BICDL1: variants seen among roughly 807,000 people sequenced by gnomAD.
BICDL1 encodes the protein BICD family like cargo adaptor 1, also known as BICD family-like cargo adapter 1.
In BICDL1, 20 loss-of-function variants were observed where a neutral mutation model predicts 76.8. The observed-to-expected ratio is 0.26, with a 90% CI of 0.18 to 0.38. The LOEUF (loss-of-function observed/expected upper bound fraction) is 0.38. Among genes scored for constraint, BICDL1 ranks in the 10% least tolerant of loss-of-function variants. The pLI is 1.00. For synonymous variants in BICDL1, 383 were observed against 337.1 expected (o/e 1.14, Z -1.49); for missense variants, 700 against 798.6 (o/e 0.88, Z 1.49).
At chr12:120,032,462 A>G (rs1167529131) in intron 2 of BICDL1, among the ~76,000 whole-genome samples, 5 of 152,248 alleles carry the variant, frequency 3.3e-5, no homozygotes, top group Admixed American at 6.5e-5. Flanking sequence ...CAGATGATAA[A>G]TTAATTCCAT....
intron 9 of BICDL1, chr12:120,091,609 A>G: frequency 1.0e-6 from 1 of 984,656 alleles, no homozygotes; most frequent in Non-Finnish European, 1.2e-6. Flanking sequence ...GACAAGGGCA[A>G]GGAGAAGACC....
At chr12:120,018,489 A>G (rs961103817) in intron 2 of BICDL1, among the ~76,000 whole-genome samples, 2 of 152,174 alleles carry the variant, frequency 1.3e-5, no homozygotes, top group Non-Finnish European at 2.9e-5. Context: ...GTGTGGAATG[A>G]AAGCAAAACC....
chr12:119,994,690 A>G (rs889273585), intron 1 of BICDL1, among the ~76,000 whole-genome samples: 2 of 152,146 alleles, frequency 1.3e-5, no homozygotes. Flanking sequence ...GGGTTTCACC[A>G]TCTTGGTCAG....
chr12:120,031,104 A>C (rs1952413485), intron 2 of BICDL1, among the ~76,000 whole-genome samples: 1 of 152,186 alleles, frequency 6.6e-6, no homozygotes, highest in Non-Finnish European at 1.5e-5. Flanking sequence ...TTATTAAAAA[A>C]TCTTTCAAGC....
intron 2 of BICDL1, among the ~76,000 whole-genome samples, chr12:120,025,078 GTCTT>G (rs976026555): frequency 1.8e-4 from 26 of 143,576 alleles, no homozygotes; most frequent in African/African-American, 6.8e-4. Context: ...AGACGGAGGA[GTCTT>G]TCTGTCACCC....
At chr12:120,044,628 T>A (rs544035227) in intron 2 of BICDL1, among the ~76,000 whole-genome samples, 2 of 152,378 alleles carry the variant, frequency 1.3e-5, no homozygotes, top group Non-Finnish European at 2.9e-5. Flanking sequence ...TACATATGGC[T>A]AGCCAGTTTT....
intron 1 of BICDL1, among the ~76,000 whole-genome samples, chr12:119,994,894 TAA>T (rs1566200019): frequency 1.1e-3 from 170 of 152,340 alleles, no homozygotes; most frequent in African/African-American, 3.7e-3. Context: ...TAACATCTTA[TAA>T]TAGTATGGTA....
chr12:120,045,230 C>T (rs1457225848), intron 2 of BICDL1, among the ~76,000 whole-genome samples: 2 of 152,182 alleles, frequency 1.3e-5, no homozygotes, highest in East Asian at 1.9e-4. Flanking sequence ...TACCATCTCA[C>T]ACCAGTTAGA....
In BICDL1 at chr12:120,094,255, A is replaced by C. The variant is rs1016070484; in HGVS notation, c.*1094A>C. ...GCCAGCCCTCAGCTGCTCACAACCG[A>C]TTCAGTCTCCCTCCCTCCCTCACGT... is the stretch of plus-strand genomic sequence containing the variant. On this transcript the variant is annotated 3_prime_UTR_variant, in exon 10 of 10. Transcript: ENST00000548673. The C allele has an allele frequency of 2.2e-6, 1 of 456,706 alleles. No homozygotes were observed. The highest frequency in any genetic ancestry group is 4.4e-6 in the Non-Finnish European group (1 of 226,968). The allele number at this position is 456,706 out of a possible 1,614,324, so 28.3% of individuals were successfully genotyped here. A position where few individuals can be genotyped will look rare whatever the true frequency, so the allele number is the denominator to read the frequency against.
intron 2 of BICDL1, among the ~76,000 whole-genome samples, chr12:120,023,499 C>G (rs575934718): frequency 6.6e-6 from 1 of 152,172 alleles, no homozygotes; most frequent in Admixed American, 6.5e-5. Flanking sequence ...CAAAGATTCT[C>G]AAGTATGGGC....
intron 2 of BICDL1, among the ~76,000 whole-genome samples, chr12:120,020,525 CT>C (rs1370412822): frequency 4.0e-5 from 6 of 151,028 alleles, no homozygotes; most frequent in Non-Finnish European, 7.4e-5. Flanking sequence ...CAGGAGCAAC[CT>C]TTTTTTTTAA....
intron 2 of BICDL1, among the ~76,000 whole-genome samples, chr12:119,999,354 C>T (rs1288689733): frequency 6.6e-6 from 1 of 152,074 alleles, no homozygotes; most frequent in East Asian, 1.9e-4. Flanking sequence ...TCTGTGATTA[C>T]TTTACCTATG....
chr12:120,061,927 A>T, intron 3 of BICDL1, 101 bp downstream of exon 3: 1 of 743,484 alleles, frequency 1.3e-6, no homozygotes, highest in South Asian at 1.6e-5. Flanking sequence ...CTACAGAAAG[A>T]CATTTCTGTG....
chr12:120,019,455 A>G (rs1206366027), intron 2 of BICDL1, among the ~76,000 whole-genome samples: 1 of 152,230 alleles, frequency 6.6e-6, no homozygotes. Flanking sequence ...TGCCTATACT[A>G]GTGCCCTGTG....
At chr12:120,051,692 A>G (rs1372240256) in intron 2 of BICDL1, among the ~76,000 whole-genome samples, 8 of 152,208 alleles carry the variant, frequency 5.3e-5, no homozygotes, top group Non-Finnish European at 1.0e-4. Context: ...GGATTCTCAA[A>G]TACCCTTCAT....
At chr12:120,064,431 T>C (rs1369188891) in intron 3 of BICDL1, among the ~76,000 whole-genome samples, 3 of 143,968 alleles carry the variant, frequency 2.1e-5, no homozygotes, top group Non-Finnish European at 3.1e-5. Flanking sequence ...GGTGGAGCCC[T>C]TTTTTTTTTT....
intron 2 of BICDL1, among the ~76,000 whole-genome samples, chr12:120,059,598 T>G (rs1266698183): frequency 6.6e-6 from 1 of 151,850 alleles, no homozygotes; most frequent in East Asian, 1.9e-4. Flanking sequence ...TTAGTAGAGA[T>G]AGGGTTTCGC....
At chr12:120,006,472 A>G (rs1045468306) in intron 2 of BICDL1, among the ~76,000 whole-genome samples, 1 of 152,180 alleles carries the variant, frequency 6.6e-6, no homozygotes, top group Non-Finnish European at 1.5e-5. Flanking sequence ...CAGGAAGTTG[A>G]CAGTAAAGAA....
At chr12:120,028,413 G>A (rs542519816) in intron 2 of BICDL1, among the ~76,000 whole-genome samples, 75 of 151,978 alleles carry the variant, frequency 4.9e-4, no homozygotes, top group African/African-American at 1.6e-3. Flanking sequence ...GGTGGCTCAC[G>A]CCTGTACTCT....
Sources: allele counts gnomAD v4.1 joint callset (sites outside exome capture counted in the v4.1 genomes callset), GRCh38; gene constraint gnomAD v4.1.1; transcripts MANE v1.5; gene names NCBI Gene and HGNC (gene_info 2026-07-23, HGNC 2026-07-21).